DNAH12: variants seen among roughly 807,000 people sequenced by gnomAD.
The protein encoded by DNAH12 is axonemal beta dynein heavy chain 12.
In DNAH12, 285 loss-of-function variants were observed where a neutral mutation model predicts 371.5. That is an observed-to-expected ratio of 0.77 (90% confidence interval 0.70 to 0.85). The LOEUF (loss-of-function observed/expected upper bound fraction) is 0.85. DNAH12 is among the 40% of genes least tolerant of loss of function. The pLI, the probability that DNAH12 is intolerant of heterozygous loss-of-function variation, is 0.00. For missense variants in DNAH12, 3,611 were observed against 3,689.4 expected, an observed-to-expected ratio of 0.98 and a Z score of 0.55; for synonymous variants, 1,200 against 1,213.0, an observed-to-expected ratio of 0.99 and a Z score of 0.22.
intron 23 of DNAH12, among the ~76,000 whole-genome samples, chr3:57,454,480 C>CAAAA (rs5849208): frequency 8.2e-6 from 1 of 122,142 alleles, no homozygotes. Context: ...AACTACATCT[C>CAAAA]AAAAAAAAAA....
chr3:57,458,609 T>C (rs115519422), intron 20 of DNAH12, among the ~76,000 whole-genome samples: 3,987 of 152,314 alleles, frequency 0.026, 72 homozygotes, highest in Non-Finnish European at 0.034. Context: ...CCAAATCCAG[T>C]CTGTTGTCAG....
intron 62 of DNAH12, among the ~76,000 whole-genome samples, chr3:57,327,763 A>G (rs1186368328): frequency 6.6e-6 from 1 of 152,162 alleles, no homozygotes; most frequent in Non-Finnish European, 1.5e-5. Context: ...AAATTAATGA[A>G]TCCAGGAGCT....
chr3:57,439,507 T>C (rs961262969), intron 29 of DNAH12, among the ~76,000 whole-genome samples: 4 of 152,192 alleles, frequency 2.6e-5, no homozygotes, highest in Non-Finnish European at 5.9e-5. Context: ...AGAAGAATTA[T>C]TGGACCCCTA....
intron 13 of DNAH12, among the ~76,000 whole-genome samples, chr3:57,473,839 G>C (rs540246268): frequency 4.6e-5 from 7 of 151,868 alleles, no homozygotes; most frequent in African/African-American, 1.7e-4. Context: ...CGTGTAATTC[G>C]TTATATTAAT....
At chr3:57,316,433 G>C (rs978295375) in intron 65 of DNAH12, among the ~76,000 whole-genome samples, 2 of 152,002 alleles carry the variant, frequency 1.3e-5, no homozygotes, top group African/African-American at 2.4e-5. Flanking sequence ...CATACTTCTT[G>C]TGCCTACTTC....
chr3:57,546,637 T>G (rs1205755578), upstream of DNAH12, among the ~76,000 whole-genome samples: 1 of 152,170 alleles, frequency 6.6e-6, no homozygotes, highest in East Asian at 1.9e-4. Flanking sequence ...AGCCACCATA[T>G]CTAGCCTGAA....
At chr3:57,550,867 G>T in the DNAH12 span, among the ~76,000 whole-genome samples, 17 of 150,878 alleles carry the variant, frequency 1.1e-4, no homozygotes, top group African/African-American at 4.1e-4. Context: ...TATTGTTTCA[G>T]TGGCTAGAAA....
chr3:57,325,254 G>A (rs959029914), intron 62 of DNAH12, among the ~76,000 whole-genome samples: 6 of 152,320 alleles, frequency 3.9e-5, no homozygotes, highest in African/African-American at 9.6e-5. Context: ...ATCTGAGAAC[G>A]GGCAGACTGC....
At chr3:57,403,144 G>C (rs2063921309) in intron 43 of DNAH12, among the ~76,000 whole-genome samples, 165 bp downstream of exon 43, 1 of 152,124 alleles carries the variant, frequency 6.6e-6, no homozygotes, top group African/African-American at 2.4e-5. Flanking sequence ...GCTAGGTAAA[G>C]CACTCAGGAC....
At chr3:57,443,361 C>T (rs933501541) in intron 29 of DNAH12, among the ~76,000 whole-genome samples, 1 of 152,116 alleles carries the variant, frequency 6.6e-6, no homozygotes, top group African/African-American at 2.4e-5. Flanking sequence ...CCACCTGCCT[C>T]GGCCTCCCAA....
At chr3:57,434,388 A>T (rs544567782) in intron 30 of DNAH12, among the ~76,000 whole-genome samples, 1 of 152,266 alleles carries the variant, frequency 6.6e-6, no homozygotes, top group African/African-American at 2.4e-5. Flanking sequence ...CACAACGTTG[A>T]GGTGGTGCTT....
chr3:57,511,762 C>G (rs1183634183), intron 4 of DNAH12, among the ~76,000 whole-genome samples: 2 of 152,124 alleles, frequency 1.3e-5, no homozygotes, highest in Non-Finnish European at 2.9e-5. Context: ...TCCAAAAATA[C>G]ACCAGTATAT....
chr3:57,398,817 A>G (rs1229272135), intron 43 of DNAH12, among the ~76,000 whole-genome samples: 1 of 152,192 alleles, frequency 6.6e-6, no homozygotes, highest in African/African-American at 2.4e-5. Flanking sequence ...CTTCAAGTTG[A>G]AACAAAAGAA....
intron 2 of DNAH12, 28 bp from the exon 3 acceptor site, chr3:57,523,912 C>A (rs1339679056): frequency 2.7e-6 from 4 of 1,465,394 alleles, no homozygotes; most frequent in Non-Finnish European, 3.8e-6. Context: ...AAATATGACT[C>A]TCTTGATAAC....
chr3:57,294,685 C>T (rs1296159335), intron 73 of DNAH12, among the ~76,000 whole-genome samples: 1 of 151,980 alleles, frequency 6.6e-6, no homozygotes. Flanking sequence ...TCCAAGAAAC[C>T]CACACATTAG....
At chr3:57,360,966 C>G (rs1273450143) in intron 58 of DNAH12, among the ~76,000 whole-genome samples, 6 of 152,058 alleles carry the variant, frequency 3.9e-5, no homozygotes, top group African/African-American at 1.2e-4. Flanking sequence ...CCCTAGTTTC[C>G]TCAACTATGA....
rs2153332984 is a variant in DNAH12 at position 57,366,789 on chromosome 3, A to G, written c.9107T>C (p.Phe3036Ser). 6.6e-6 allele frequency: 1 copy of G among 152,344 alleles called. No individual in the cohort carries two copies. The highest frequency in any genetic ancestry group is 2.1e-4 in the South Asian group (1 of 4,832). The allele number at this position is 152,344 out of a possible 1,614,324, so 9.4% of individuals were successfully genotyped here. The change falls in exon 57 of 74, where the codon TTC becomes TCC. Residue 3036 changes from phenylalanine (F) to serine (S), a missense_variant. Coordinates refer to ENST00000495027, the MANE Select transcript of DNAH12 (RefSeq NM_001366028.2). ...TTCAAGTCCTTCTGGAGTTATCATG[A>G]AATTGAGCAAAGACACTTTTGTAGC... ...ELATKVSLLN[F>S]MITPEGLEDQ...
chr3:57,418,431 T>C (rs543648936), intron 37 of DNAH12, among the ~76,000 whole-genome samples: 4 of 146,526 alleles, frequency 2.7e-5, no homozygotes, highest in South Asian at 2.2e-4. Flanking sequence ...TCCCAGCTAC[T>C]TGAGAGGCTG....
At chr3:57,523,542 T>C (rs1445117683) in intron 4 of DNAH12, 41 bp downstream of exon 4, 2 of 1,534,452 alleles carry the variant, frequency 1.3e-6, no homozygotes, top group Non-Finnish European at 1.8e-6. Context: ...AATAATTTCT[T>C]TGAACATTTT....
Sources: gnomAD v4.1 joint callset for allele counts (sites outside exome capture counted in the v4.1 genomes callset) on GRCh38, gnomAD v4.1.1 for gene constraint, MANE v1.5 for transcripts, NCBI Gene and HGNC (gene_info 2026-07-23, HGNC 2026-07-21) for gene names.